The following CUL3 variants were observed in gnomAD, a reference collection of about 807,000 sequenced individuals.
CUL3 encodes the protein cullin-3.
Under a neutral mutation model 89.1 loss-of-function variants are expected in CUL3, and 19 were observed. The observed-to-expected ratio is 0.21, with a 90% confidence interval of 0.15 to 0.31. The LOEUF (loss-of-function observed/expected upper bound fraction) is 0.31. CUL3 is among the 10% of genes least tolerant of loss of function. The pLI is 1.00. For synonymous variants in CUL3, 351 were observed against 308.4 expected (o/e 1.14, Z -1.45); for missense variants, 469 against 942.3 (o/e 0.50, Z 6.58).
chr2:224,566,141 T>G (rs1390586974), intron 1 of CUL3, among the ~76,000 whole-genome samples: 1 of 152,180 alleles, frequency 6.6e-6, no homozygotes, highest in Non-Finnish European at 1.5e-5. Flanking sequence ...CCTTCAGTTT[T>G]GAAGAACTCA....
chr2:224,538,026 A>T (rs776098505), intron 2 of CUL3, among the ~76,000 whole-genome samples: 1 of 152,232 alleles, frequency 6.6e-6, no homozygotes, highest in Non-Finnish European at 1.5e-5. Flanking sequence ...ATCTCCTAGT[A>T]CAATGTGTCA....
intron 6 of CUL3, among the ~76,000 whole-genome samples, chr2:224,508,425 C>CACAT (rs1692685058): frequency 6.6e-6 from 1 of 152,150 alleles, no homozygotes; most frequent in South Asian, 2.1e-4. Context: ...AATCTATGGA[C>CACAT]ACATACTACA....
At chr2:224,500,888 T>C (rs769723716) in intron 10 of CUL3, among the ~76,000 whole-genome samples, 1 of 152,118 alleles carries the variant, frequency 6.6e-6, no homozygotes, top group Non-Finnish European at 1.5e-5. Context: ...CCTCCCAAAG[T>C]GCTGGGACTA....
intron 1 of CUL3, among the ~76,000 whole-genome samples, chr2:224,581,201 C>G (rs142535760): frequency 0.011 from 1,728 of 152,070 alleles, 13 homozygotes; most frequent in Admixed American, 0.024. Context: ...TCAAGACCAG[C>G]CTGACCAACA....
chr2:224,562,468 T>A (rs11887962), intron 1 of CUL3, among the ~76,000 whole-genome samples: 28,798 of 151,730 alleles, frequency 0.19, 3,059 homozygotes, highest in South Asian at 0.27. Context: ...TGAAACCCCA[T>A]CCCTACTAAA....
chr2:224,551,193 C>A (rs1226219684), intron 2 of CUL3, among the ~76,000 whole-genome samples: 1 of 151,620 alleles, frequency 6.6e-6, no homozygotes, highest in Non-Finnish European at 1.5e-5. Context: ...GTGTGTGCCA[C>A]CAAGCCCGGC....
chr2:224,525,473 G>A (rs939758334), intron 3 of CUL3, among the ~76,000 whole-genome samples: 2 of 152,138 alleles, frequency 1.3e-5, no homozygotes, highest in African/African-American at 2.4e-5. Context: ...TTTAAAACAT[G>A]TGGCACAGTG....
At chr2:224,553,623 T>C (rs1364808556) in intron 2 of CUL3, among the ~76,000 whole-genome samples, 1 of 152,180 alleles carries the variant, frequency 6.6e-6, no homozygotes, top group Non-Finnish European at 1.5e-5. Context: ...GGTGGGGCCT[T>C]TGGGAGGCAA....
intron 2 of CUL3, among the ~76,000 whole-genome samples, chr2:224,539,186 T>C (rs966796527): frequency 6.6e-6 from 1 of 152,194 alleles, no homozygotes; most frequent in African/African-American, 2.4e-5. Flanking sequence ...CCAAAGAAGA[T>C]ATACAGATGG....
chr2:224,481,929 T>C lies in CUL3; in HGVS notation c.1992A>G (p.Gln664=), dbSNP rs2070127. The change falls in exon 14 of 16, where the codon CAA becomes CAG. Residue 664 remains glutamine, a synonymous_variant. Transcript: ENST00000264414. ...ENGHIFTVND[Q]FTSKLHRVKI... ...TGACTCTGTGTAGTTTGGATGTGAA[T>C]TGATCATTAACTGTAAATATATGAC... is the stretch of plus-strand genomic sequence containing the variant. 0.15 allele frequency: 242,457 copies of C among 1,588,794 alleles called. 20,901 individuals carry two copies. The highest frequency in any genetic ancestry group is 0.29 in the East Asian group (12,661 of 43,800).
chr2:224,548,044 T>A (rs1490081023), intron 2 of CUL3, among the ~76,000 whole-genome samples: 3 of 152,110 alleles, frequency 2.0e-5, no homozygotes, highest in Non-Finnish European at 4.4e-5. Flanking sequence ...GTACAAAAGA[T>A]AAATGGTGAG....
At chr2:224,505,854 T>C in intron 8 of CUL3, 102 bp downstream of exon 8, 1 of 732,676 alleles carries the variant, frequency 1.4e-6, no homozygotes, top group Non-Finnish European at 2.1e-6. Context: ...AGCACAGCAA[T>C]GGGTCATGCT....
chr2:224,470,416 C>A lies in CUL3; in HGVS notation c.*3829G>T, dbSNP rs1325863440. On this transcript the variant is annotated 3_prime_UTR_variant, in exon 16 of 16. Transcript: ENST00000264414. ...TTTGCCATTTCTAAAATTAAATGCACGGGTTTCAAGACATCCTAGTTGTTT... is the reference window on the plus strand; with the variant it reads ...TTTGCCATTTCTAAAATTAAATGCAAGGGTTTCAAGACATCCTAGTTGTTT... The A allele has an allele frequency of 8.7e-6, 2 of 229,824 alleles. No individual in the cohort carries two copies. The highest frequency in any genetic ancestry group is 6.2e-5 in the East Asian group (1 of 16,104). The allele number at this position is 229,824 out of a possible 1,614,324, so 14.2% of individuals were successfully genotyped here. A position where few individuals can be genotyped will look rare whatever the true frequency, so the allele number is the denominator to read the frequency against.
chr2:224,511,492 T>A lies in CUL3; in HGVS notation c.745A>T (p.Met249Leu), dbSNP rs1692823851. The change falls in exon 6 of 16, where the codon ATG becomes TTG. Residue 249 changes from methionine (M) to leucine (L), a missense_variant. Physicochemically the swap from Met to Leu is conservative, Grantham distance 15. Coordinates refer to ENST00000264414, the MANE Select transcript of CUL3 (RefSeq NM_003590.5). ...TCCGTTGATTTGTCAAGGCAGTGCA[T>A]CACTCGTTCTATTTCTTCATTAATT... ...ARINEEIERVMHCLDKSTEEP... is the reference protein window; with the variant it reads ...ARINEEIERVLHCLDKSTEEP... The A allele has an allele frequency of 6.2e-7, 1 of 1,613,664 alleles. No homozygotes were observed. The highest frequency in any genetic ancestry group is 8.5e-7 in the Non-Finnish European group (1 of 1,179,644).
intron 13 of CUL3, among the ~76,000 whole-genome samples, chr2:224,490,144 A>G (rs911756046): frequency 3.3e-5 from 5 of 152,204 alleles, no homozygotes; most frequent in Non-Finnish European, 7.4e-5. Flanking sequence ...CAAAACCACA[A>G]TGAGATACCA....
At chr2:224,475,785 A>G (rs1368569633) in intron 15 of CUL3, among the ~76,000 whole-genome samples, 1 of 152,148 alleles carries the variant, frequency 6.6e-6, no homozygotes, top group African/African-American at 2.4e-5. Context: ...TCTCAACAGG[A>G]CCTTCTACTC....
rs777017393 is a variant in CUL3, at chr2:224,495,979, TA to T, written c.1708-14del. 9.8e-5 allele frequency: 157 copies of T among 1,607,384 alleles called. No individual in the cohort carries two copies. The East Asian group carries it at 2.9e-3, about 30-fold the overall frequency. On this transcript the variant is annotated splice_polypyrimidine_tract_variant and intron_variant, in intron 12 of 15. Coordinates refer to ENST00000264414, the MANE Select transcript of CUL3 (RefSeq NM_003590.5). ...CAGATCCATCTTCCTGTTTCATTTTTAAAAAAATATAAACAAAGACACAATC... is the reference window on the plus strand; with the variant it reads ...CAGATCCATCTTCCTGTTTCATTTTTAAAAAATATAAACAAAGACACAATC...
At chr2:224,518,556 A>ATT (rs1218850337) in intron 3 of CUL3, among the ~76,000 whole-genome samples, 7 of 152,152 alleles carry the variant, frequency 4.6e-5, no homozygotes, top group Non-Finnish European at 1.0e-4. Flanking sequence ...CTTATGGTAA[A>ATT]TTTTTTAATA....
chr2:224,495,839 G>A lies in CUL3; in HGVS notation c.1835C>T (p.Thr612Ile). The A allele has an allele frequency of 1.9e-6, 3 of 1,608,916 alleles. No individual in the cohort carries two copies. Among genetic ancestry groups the A allele is most frequent in the Middle Eastern group, 1.7e-4 (1 of 6,046 alleles). ...TATAACCACAATCCATACCTCAAAT[G>A]TGTATTTTTCTCTATTATTAAAGAG... ...LMLFNNREKY[T>I]FEEIQQETDI... The change falls in exon 13 of 16, where the codon ACA becomes ATA. Residue 612 changes from threonine (T) to isoleucine (I), a missense_variant. By Grantham distance (89) the Thr-to-Ile change is moderately conservative. Around this residue, in one of 4 missense-constraint regions of CUL3, gnomAD observed 370 missense variants for 733.2 expected, o/e 0.50. Transcript: ENST00000264414.
Sources: allele counts gnomAD v4.1 joint callset (sites outside exome capture counted in the v4.1 genomes callset), GRCh38; gene constraint gnomAD v4.1.1; regional missense constraint gnomAD v4.1.1; transcripts MANE v1.5; gene names NCBI Gene and HGNC (gene_info 2026-07-23, HGNC 2026-07-21).